ADAMTS3: variants seen among roughly 807,000 people sequenced by gnomAD.
The protein encoded by ADAMTS3 is A disintegrin and metalloproteinase with thrombospondin motifs 3.
A neutral mutation model predicts 129.0 loss-of-function variants in ADAMTS3; 73 were observed. That is an observed-to-expected ratio of 0.57 (90% CI 0.47 to 0.69). The LOEUF (loss-of-function observed/expected upper bound fraction) is 0.69. Among genes scored for constraint, ADAMTS3 ranks in the 30% least tolerant of loss-of-function variants. ADAMTS3 has a pLI of 0.00. For synonymous variants in ADAMTS3, 477 were observed against 510.8 expected (o/e 0.93, Z 0.89); for missense variants, 1,457 against 1,514.5 (o/e 0.96, Z 0.63).
At chr4:72,381,291 T>C (rs1721282574) in intron 4 of ADAMTS3, among the ~76,000 whole-genome samples, 1 of 152,176 alleles carries the variant, frequency 6.6e-6, no homozygotes, top group South Asian at 2.1e-4. Context: ...AGATAGTAGC[T>C]CCCAGCTTCC....
At chr4:72,533,672 C>CATATATATATATACAT (rs1721109828) in intron 3 of ADAMTS3, among the ~76,000 whole-genome samples, 3 of 151,444 alleles carry the variant, frequency 2.0e-5, no homozygotes, top group Admixed American at 6.6e-5. Context: ...TGTATATGCA[C>CATATATATATATACAT]ATATATGCAC....
At chr4:72,509,763 C>T (rs1017397702) in intron 3 of ADAMTS3, among the ~76,000 whole-genome samples, 6 of 150,832 alleles carry the variant, frequency 4.0e-5, no homozygotes, top group Admixed American at 1.3e-4. Context: ...ACTCATACTA[C>T]GAGGCTGCTA....
chr4:72,333,166 C>G (rs776582019), intron 5 of ADAMTS3, among the ~76,000 whole-genome samples: 1 of 152,080 alleles, frequency 6.6e-6, no homozygotes, highest in East Asian at 1.9e-4. Flanking sequence ...GAGATTCAGG[C>G]GCAAAGAGCT....
chr4:72,436,064 G>A (rs1454603107), intron 3 of ADAMTS3, among the ~76,000 whole-genome samples: 1 of 151,848 alleles, frequency 6.6e-6, no homozygotes, highest in East Asian at 1.9e-4. Flanking sequence ...GAGTGAACAG[G>A]CAACCTACAG....
intron 3 of ADAMTS3, among the ~76,000 whole-genome samples, chr4:72,540,090 G>T (rs1262193412): frequency 6.6e-6 from 1 of 152,166 alleles, no homozygotes; most frequent in Non-Finnish European, 1.5e-5. Context: ...ACAGGAAAAT[G>T]TGAGAATGTT....
chr4:72,288,628 GTGTT>G, intron 21 of ADAMTS3, 119 bp downstream of exon 21: 2 of 677,282 alleles, frequency 3.0e-6, no homozygotes, highest in Admixed American at 4.8e-5. Flanking sequence ...TATTTCACAG[GTGTT>G]TTCCTTTGGT....
At chr4:72,456,543 A>T (rs141887399) in intron 3 of ADAMTS3, among the ~76,000 whole-genome samples, 2 of 150,784 alleles carry the variant, frequency 1.3e-5, no homozygotes, top group Non-Finnish European at 3.0e-5. Context: ...AGCATCTGTG[A>T]ATGAGCTGTT....
chr4:72,484,623 G>A (rs1362637518), intron 3 of ADAMTS3, among the ~76,000 whole-genome samples: 1 of 152,152 alleles, frequency 6.6e-6, no homozygotes, highest in African/African-American at 2.4e-5. Context: ...GGATCTCACA[G>A]GCTACTCACA....
At chr4:72,532,901 C>T (rs771307036) in intron 3 of ADAMTS3, among the ~76,000 whole-genome samples, 6 of 152,160 alleles carry the variant, frequency 3.9e-5, no homozygotes, top group Non-Finnish European at 5.9e-5. Flanking sequence ...GCTTGCAGGA[C>T]TGGAAGTTGT....
chr4:72,425,064 T>C (rs1722535521), intron 3 of ADAMTS3, among the ~76,000 whole-genome samples: 1 of 152,152 alleles, frequency 6.6e-6, no homozygotes, highest in Admixed American at 6.5e-5. Flanking sequence ...ATAGTTTAAC[T>C]GATGTGAAAC....
intron 3 of ADAMTS3, among the ~76,000 whole-genome samples, chr4:72,544,200 G>A (rs1420402123): frequency 6.6e-6 from 1 of 152,026 alleles, no homozygotes; most frequent in Non-Finnish European, 1.5e-5. Context: ...TGAAAACAAA[G>A]TGTTTAAAAT....
Position 72,392,625 on chromosome 4 carries a change from A to G in ADAMTS3, c.661+22190T>C, listed in dbSNP as rs370283896. The stretch of plus-strand genomic sequence containing the variant: ...CAAGAACAGTTCTTTTTAAAAGAGG[A>G]AAAGAATAGAAGAGAAGCCAAGGGG... On this transcript the variant is annotated intron_variant, in intron 4 of 21. Transcript: ENST00000286657. 5.3e-5 allele frequency among the ~76,000 whole-genome samples: 8 copies of G among 152,292 alleles called. No individual in the cohort carries two copies. In the South Asian group the frequency reaches 6.2e-4, roughly 12 times the overall value.
chr4:72,513,995 T>C (rs368655939), intron 3 of ADAMTS3, among the ~76,000 whole-genome samples: 45 of 152,338 alleles, frequency 3.0e-4, no homozygotes, highest in Non-Finnish European at 4.7e-4. Context: ...ACCTTCCTCT[T>C]AAAAGTCTTC....
chr4:72,470,410 T>C (rs895301447), intron 3 of ADAMTS3, among the ~76,000 whole-genome samples: 20 of 145,894 alleles, frequency 1.4e-4, no homozygotes, highest in Non-Finnish European at 2.7e-4. Flanking sequence ...CACACACATT[T>C]CATATACATA....
rs1430261741 is a variant in ADAMTS3 at position 72,541,507 on chromosome 4, A to T, written c.504+6971T>A. Among the ~76,000 whole-genome samples the T allele has an allele frequency of 3.3e-5, 5 of 152,186 alleles. No homozygotes were observed. In the East Asian group the frequency reaches 9.7e-4, roughly 29 times the overall value. Reference sequence around the variant, plus strand: ...GCATGATTGGTTTTGAAATGTGAGGACATGAGATTTGGCGGAGGCCAGGGT... The same window carrying T: ...GCATGATTGGTTTTGAAATGTGAGGTCATGAGATTTGGCGGAGGCCAGGGT... On this transcript the variant is annotated intron_variant, in intron 3 of 21. Transcript: ENST00000286657.
At chr4:72,462,946 A>T (rs188988533) in intron 3 of ADAMTS3, among the ~76,000 whole-genome samples, 27 of 152,114 alleles carry the variant, frequency 1.8e-4, no homozygotes, top group African/African-American at 6.3e-4. Flanking sequence ...AGAGGAGTGT[A>T]CAGTAATGTT....
chr4:72,375,214 A>G (rs1339630643), intron 4 of ADAMTS3, among the ~76,000 whole-genome samples: 2 of 152,162 alleles, frequency 1.3e-5, no homozygotes. Context: ...GGCAACCCTT[A>G]GTAAATATGC....
intron 3 of ADAMTS3, among the ~76,000 whole-genome samples, chr4:72,533,673 A>ATATCTATATATACATATATATG (rs1164175826): frequency 6.6e-6 from 1 of 151,372 alleles, no homozygotes; most frequent in Non-Finnish European, 1.5e-5. Flanking sequence ...GTATATGCAC[A>ATATCTATATATACATATATATG]TATATGCACA....
chr4:72,488,791 G>A (rs1560535596), intron 3 of ADAMTS3, among the ~76,000 whole-genome samples: 2 of 151,148 alleles, frequency 1.3e-5, no homozygotes, highest in Non-Finnish European at 3.0e-5. Flanking sequence ...TTATTTTCGT[G>A]GTGAGAACAC....
Sources: allele counts gnomAD v4.1 joint callset (sites outside exome capture counted in the v4.1 genomes callset), GRCh38; gene constraint gnomAD v4.1.1; transcripts MANE v1.5; gene names NCBI Gene and HGNC (gene_info 2026-07-23, HGNC 2026-07-21).